COL26A1: variants seen among roughly 807,000 people sequenced by gnomAD.
COL26A1 encodes collagen type XXVI alpha 1 chain.
A neutral mutation model predicts 59.3 loss-of-function variants in COL26A1; 41 were observed. That is an observed-to-expected ratio of 0.69 (90% confidence interval 0.54 to 0.90). The LOEUF (loss-of-function observed/expected upper bound fraction) is 0.90, where lower values mean the gene tolerates loss of function less well. Among genes scored for constraint, COL26A1 ranks in the 40% least tolerant of loss-of-function variants. The pLI is 0.00. For missense variants in COL26A1, 612 were observed against 602.3 expected, an observed-to-expected ratio of 1.02 and a Z score of -0.17; for synonymous variants, 266 against 256.0, an observed-to-expected ratio of 1.04 and a Z score of -0.37.
chr7:101,478,622 G>T (rs568759784), intron 3 of COL26A1, among the ~76,000 whole-genome samples: 1 of 152,130 alleles, frequency 6.6e-6, no homozygotes, highest in Non-Finnish European at 1.5e-5. Context: ...ATTTGCTTCA[G>T]TGTTTCCTTT....
At chr7:101,554,369 A>G (rs1187950526) in intron 11 of COL26A1, among the ~76,000 whole-genome samples, 1 of 152,070 alleles carries the variant, frequency 6.6e-6, no homozygotes, top group South Asian at 2.1e-4. Context: ...TGCAGGAGGT[A>G]GTAAGAGGGG....
At chr7:101,363,218 G>A in intron 1 of COL26A1, 28 bp downstream of exon 1, 1 of 1,320,588 alleles carries the variant, frequency 7.6e-7, no homozygotes, top group Non-Finnish European at 1.0e-6. Flanking sequence ...GAGGGGCCGG[G>A]GGGTGGGGGG....
chr7:101,522,074 T>C (rs1168991944), intron 3 of COL26A1, among the ~76,000 whole-genome samples: 2 of 152,176 alleles, frequency 1.3e-5, no homozygotes, highest in Non-Finnish European at 2.9e-5. Flanking sequence ...GCCATGAACG[T>C]TCTTGTGCAT....
At chr7:101,463,498 T>TTTCCC (rs199545397) in intron 3 of COL26A1, among the ~76,000 whole-genome samples, 4 of 128,268 alleles carry the variant, frequency 3.1e-5, no homozygotes, top group African/African-American at 1.2e-4. Flanking sequence ...CCTCCCCTCC[T>TTTCCC]TTCCCTTCCC....
At chr7:101,507,177 A>G (rs1027560917) in intron 3 of COL26A1, among the ~76,000 whole-genome samples, 2 of 152,094 alleles carry the variant, frequency 1.3e-5, no homozygotes, top group African/African-American at 2.4e-5. Context: ...GGCCTCCCAA[A>G]GTACTGGGAT....
intron 3 of COL26A1, among the ~76,000 whole-genome samples, chr7:101,526,054 T>C (rs886729354): frequency 6.6e-6 from 1 of 151,710 alleles, no homozygotes; most frequent in Non-Finnish European, 1.5e-5. Flanking sequence ...TTTTCCTTTT[T>C]CTTTTTTTTT....
At chr7:101,398,911 G>A (rs1186650220) in intron 1 of COL26A1, among the ~76,000 whole-genome samples, 1 of 152,118 alleles carries the variant, frequency 6.6e-6, no homozygotes, top group East Asian at 1.9e-4. Flanking sequence ...GGTGGGAGTG[G>A]TGCGGGATGC....
intron 2 of COL26A1, among the ~76,000 whole-genome samples, chr7:101,434,093 TTTCTTTCTG>T (rs1792850486): frequency 2.7e-5 from 3 of 111,194 alleles, no homozygotes; most frequent in Non-Finnish European, 3.6e-5. Flanking sequence ...TCCCTCCCTC[TTTCTTTCTG>T]CTTTCTTTCT....
intron 1 of COL26A1, among the ~76,000 whole-genome samples, chr7:101,409,250 C>G (rs2130234171): frequency 6.6e-6 from 1 of 152,238 alleles, no homozygotes; most frequent in East Asian, 1.9e-4. Flanking sequence ...TGCTATTTTT[C>G]CTGGTCCTTG....
At chr7:101,512,439 T>C (rs998495067) in intron 3 of COL26A1, among the ~76,000 whole-genome samples, 2 of 148,764 alleles carry the variant, frequency 1.3e-5, no homozygotes, top group African/African-American at 5.0e-5. Flanking sequence ...GGCAACATAC[T>C]GAGAGCCCTG....
chr7:101,500,039 C>T (rs1794668702), intron 3 of COL26A1, among the ~76,000 whole-genome samples: 1 of 152,148 alleles, frequency 6.6e-6, no homozygotes, highest in Admixed American at 6.6e-5. Flanking sequence ...AGCTATGATG[C>T]ATCAATTAGC....
intron 1 of COL26A1, among the ~76,000 whole-genome samples, chr7:101,397,176 G>C (rs1217250475): frequency 6.6e-6 from 1 of 152,132 alleles, no homozygotes; most frequent in Non-Finnish European, 1.5e-5. Context: ...GCAGGTCCTT[G>C]CCTGTTCTTG....
At chr7:101,476,033 G>T (rs1231987273) in intron 3 of COL26A1, among the ~76,000 whole-genome samples, 1 of 151,148 alleles carries the variant, frequency 6.6e-6, no homozygotes, top group Non-Finnish European at 1.5e-5. Context: ...GGAGTGCAGT[G>T]GTGCAGTCTC....
intron 3 of COL26A1, among the ~76,000 whole-genome samples, chr7:101,452,544 G>A (rs1381074201): frequency 6.6e-6 from 1 of 152,088 alleles, no homozygotes; most frequent in Non-Finnish European, 1.5e-5. Context: ...TGGAAGATTT[G>A]TCTTTATGGG....
chr7:101,506,363 T>A (rs1377602724), intron 3 of COL26A1, among the ~76,000 whole-genome samples: 1 of 152,242 alleles, frequency 6.6e-6, no homozygotes, highest in African/African-American at 2.4e-5. Flanking sequence ...AGTCACTTTG[T>A]AACATGCTTT....
chr7:101,365,194 A>G (rs1791014092), intron 1 of COL26A1, among the ~76,000 whole-genome samples: 1 of 152,232 alleles, frequency 6.6e-6, no homozygotes, highest in East Asian at 1.9e-4. Context: ...GCCTCTGCAC[A>G]GTTCCATATG....
intron 3 of COL26A1, among the ~76,000 whole-genome samples, chr7:101,507,683 G>A (rs764047471): frequency 8.6e-5 from 13 of 152,042 alleles, no homozygotes; most frequent in Non-Finnish European, 1.6e-4. Flanking sequence ...CTTCCCAAAG[G>A]TTGGGATTAC....
chr7:101,419,055 T>C (rs1792444994), intron 1 of COL26A1, among the ~76,000 whole-genome samples: 1 of 130,074 alleles, frequency 7.7e-6, no homozygotes. Context: ...TCCTTCTCTC[T>C]CTCTTTCTCT....
chr7:101,435,672 C>T (rs754422431), intron 2 of COL26A1, among the ~76,000 whole-genome samples: 9 of 152,146 alleles, frequency 5.9e-5, no homozygotes, highest in South Asian at 2.1e-4. Flanking sequence ...CTGGCTGGGA[C>T]GGGCTGGGGC....
Sources: allele counts gnomAD v4.1 joint callset (sites outside exome capture counted in the v4.1 genomes callset), GRCh38; gene constraint gnomAD v4.1.1; transcripts MANE v1.5; gene names NCBI Gene and HGNC (gene_info 2026-07-23, HGNC 2026-07-21).